Variants in KIRREL3 observed in about 807,000 individuals in gnomAD.
KIRREL3 encodes kirre like nephrin family adhesion molecule 3.
Under a neutral mutation model 89.7 loss-of-function variants are expected in KIRREL3, and 36 were observed. That is an observed-to-expected ratio of 0.40 (90% CI 0.31 to 0.53). The LOEUF (loss-of-function observed/expected upper bound fraction) is 0.53. Ranked by LOEUF, KIRREL3 falls within the 20% of genes least tolerant of loss-of-function variation. KIRREL3 has a pLI of 0.49. For missense variants in KIRREL3, 864 were observed against 1,056.6 expected, an observed-to-expected ratio of 0.82 and a Z score of 2.53; for synonymous variants, 445 against 441.4, an observed-to-expected ratio of 1.01 and a Z score of -0.10.
rs1416251271 is a variant in KIRREL3 at position 126,557,342 on chromosome 11, T to C, written c.133+5493A>G. On this transcript the variant is annotated intron_variant, in intron 2 of 16. Transcript: ENST00000525144. This position sits in a 1 kb window ranked among gnomAD's most constrained non-coding sequence, Gnocchi z 5.6. ...GAAAGCCAGTCTATTGACTTTTTTG[T>C]ACTGGTTCCTTTGGTGACCAAGACA... is the stretch of plus-strand genomic sequence containing the variant. 4.6e-5 allele frequency among the ~76,000 whole-genome samples: 7 copies of C among 152,238 alleles called. No homozygotes were observed.
intron 2 of KIRREL3, among the ~76,000 whole-genome samples, chr11:126,529,049 G>C (rs1271234556): frequency 6.6e-6 from 1 of 152,174 alleles, no homozygotes; most frequent in Non-Finnish European, 1.5e-5. Context: ...GTTATAATGA[G>C]AGCCCCTTAA....
chr11:126,673,050 C>A (rs1489495308), intron 1 of KIRREL3, among the ~76,000 whole-genome samples: 4 of 152,170 alleles, frequency 2.6e-5, no homozygotes, highest in Non-Finnish European at 5.9e-5. Flanking sequence ...AGAAATGGTC[C>A]CCCAGTGTAG....
At position 126,532,370 on chromosome 11, in the gene KIRREL3, A is replaced by ATATTTATTTATT. The variant is rs56217819; in HGVS notation, c.134-5695_134-5684dup. ...CTACTCAGATTATTTATCTATTTTT[A>ATATTTATTTATT]TATTTATTTATTTATTTATTTTGAG... On this transcript the variant is annotated intron_variant, in intron 2 of 16. Coordinates refer to ENST00000525144, the MANE Select transcript of KIRREL3 (RefSeq NM_032531.4). 4.5e-3 allele frequency among the ~76,000 whole-genome samples: 680 copies of ATATTTATTTATT among 151,354 alleles called. 4 individuals carry two copies. The highest frequency in any genetic ancestry group is 0.014 in the African/African-American group (598 of 41,328).
At chr11:126,966,318 G>A (rs1392275486) in intron 1 of KIRREL3, among the ~76,000 whole-genome samples, 1 of 152,188 alleles carries the variant, frequency 6.6e-6, no homozygotes, top group African/African-American at 2.4e-5. Context: ...GAAAAGATCT[G>A]TATCGAGTCA....
rs1371704872 is a variant in KIRREL3 at position 126,696,490 on chromosome 11, G to A, written c.56-133578C>T. On this transcript the variant is annotated intron_variant, in intron 1 of 16. Coordinates refer to ENST00000525144, the MANE Select transcript of KIRREL3 (RefSeq NM_032531.4). The surrounding 1 kb of genome is among the most constrained non-coding windows in gnomAD (Gnocchi z 4.4). The stretch of plus-strand genomic sequence containing the variant: ...AGCCTGCAAACTCCCACAGCTGTAC[G>A]CAGGCATGTGGCCTCTTGCCTCGAC... Among the ~76,000 whole-genome samples the A allele has an allele frequency of 6.6e-6, 1 of 152,028 alleles. No individual in the cohort carries two copies. The highest frequency in any genetic ancestry group is 6.6e-5 in the Admixed American group (1 of 15,256).
Position 126,867,805 on chromosome 11 carries a change from A to G in KIRREL3, c.55+132650T>C, listed in dbSNP as rs1403268451. Among the ~76,000 whole-genome samples, 1 of 152,172 alleles carries G rather than the reference A, an allele frequency of 6.6e-6. No individual in the cohort carries two copies. The highest frequency in any genetic ancestry group is 1.5e-5 in the Non-Finnish European group (1 of 68,032). Reference sequence around the variant, plus strand: ...CACAATTTTTACTGCCGCTCAGTCCAGTATGACTTCTAAGGTAATTGATTT... The same window carrying G: ...CACAATTTTTACTGCCGCTCAGTCCGGTATGACTTCTAAGGTAATTGATTT... On this transcript the variant is annotated intron_variant, in intron 1 of 16. Transcript: ENST00000525144. This position sits in a 1 kb window ranked among gnomAD's most constrained non-coding sequence, Gnocchi z 4.7.
At chr11:126,556,554 C>T (rs552154663) in intron 2 of KIRREL3, among the ~76,000 whole-genome samples, 1 of 152,120 alleles carries the variant, frequency 6.6e-6, no homozygotes, top group East Asian at 1.9e-4. Context: ...GGTAGGATTG[C>T]TTGAGCTTAG....
chr11:126,827,157 T>C (rs1943444863), intron 1 of KIRREL3, among the ~76,000 whole-genome samples: 1 of 150,010 alleles, frequency 6.7e-6, no homozygotes, highest in Non-Finnish European at 1.5e-5. Context: ...TAAGAATCAA[T>C]ATGGAAGTCT....
In KIRREL3 at chr11:126,427,920, A is replaced by T. The variant is rs1472850150; in HGVS notation, c.1806+1259T>A. ...GGAGGACAGGTGGGGCACACATTTG[A>T]GACACTTTTTGAAGTGGAATTGACA... On this transcript the variant is annotated intron_variant, in intron 15 of 16. Transcript: ENST00000525144. This position sits in a 1 kb window ranked among gnomAD's most constrained non-coding sequence, Gnocchi z 5.3. 6.6e-6 allele frequency among the ~76,000 whole-genome samples: 1 copy of T among 152,174 alleles called. No individual in the cohort carries two copies. The highest frequency in any genetic ancestry group is 1.5e-5 in the Non-Finnish European group (1 of 68,022).
At chr11:126,554,790 T>C (rs1464622205) in intron 2 of KIRREL3, among the ~76,000 whole-genome samples, 3 of 152,236 alleles carry the variant, frequency 2.0e-5, no homozygotes, top group African/African-American at 7.2e-5. Flanking sequence ...TCAATTTTTC[T>C]CCCAATTGTT....
At chr11:126,586,244 T>C (rs1941847164) in intron 1 of KIRREL3, among the ~76,000 whole-genome samples, 1 of 152,320 alleles carries the variant, frequency 6.6e-6, no homozygotes, top group Non-Finnish European at 1.5e-5. Flanking sequence ...TCATGTGTCC[T>C]TGTTCATGAG....
At position 126,750,142 on chromosome 11, in the gene KIRREL3, C is replaced by A. The variant is rs1157539817; in HGVS notation, c.56-187230G>T. On this transcript the variant is annotated intron_variant, in intron 1 of 16. Transcript: ENST00000525144. This position sits in a 1 kb window ranked among gnomAD's most constrained non-coding sequence, Gnocchi z 4.2. ...ATAAGTGCCTTGCACATAGTAGGCA[C>A]AGAATACACAATCATTGCTACTGAG... Among the ~76,000 whole-genome samples, 1 of 152,182 alleles carries A rather than the reference C, an allele frequency of 6.6e-6. No individual in the cohort carries two copies. The highest frequency in any genetic ancestry group is 1.5e-5 in the Non-Finnish European group (1 of 68,036).
In KIRREL3 at chr11:126,566,128, C is replaced by T. The variant is rs1255516615; in HGVS notation, c.56-3216G>A. ...GCAGAAACACCCAGATACTCTAAAG[C>T]TGGCTATGGAAAAATAATTACCATG... is the stretch of plus-strand genomic sequence containing the variant. On this transcript the variant is annotated intron_variant, in intron 1 of 16. Transcript: ENST00000525144. This position sits in a 1 kb window ranked among gnomAD's most constrained non-coding sequence, Gnocchi z 4.9. 8.4e-6 allele frequency among the ~76,000 whole-genome samples: 1 copy of T among 119,358 alleles called. No individual in the cohort carries two copies. Among genetic ancestry groups the T allele is most frequent in the Non-Finnish European group, 1.7e-5 (1 of 59,528 alleles). 78.3% of individuals were successfully genotyped at this position (119,358 alleles called of 152,430 possible).
intron 1 of KIRREL3, among the ~76,000 whole-genome samples, chr11:126,893,516 T>G (rs1297806267): frequency 6.6e-6 from 1 of 152,210 alleles, no homozygotes; most frequent in Non-Finnish European, 1.5e-5. Flanking sequence ...CTTAATTTGT[T>G]GCCGAGCTCA....
At chr11:126,630,271 G>A (rs1943963602) in intron 1 of KIRREL3, among the ~76,000 whole-genome samples, 1 of 151,972 alleles carries the variant, frequency 6.6e-6, no homozygotes, top group South Asian at 2.1e-4. Context: ...TGGGAGTGGG[G>A]ATTTATTCCT....
chr11:126,960,932 T>C (rs1438937937), intron 1 of KIRREL3, among the ~76,000 whole-genome samples: 1 of 152,174 alleles, frequency 6.6e-6, no homozygotes, highest in Non-Finnish European at 1.5e-5. Context: ...AATACTTTCA[T>C]TATTATTAGG....
At position 126,624,693 on chromosome 11, in the gene KIRREL3, A is replaced by C. The variant is rs889416466; in HGVS notation, c.56-61781T>G. 4.6e-5 allele frequency among the ~76,000 whole-genome samples: 7 copies of C among 152,220 alleles called. No homozygotes were observed. The highest frequency in any genetic ancestry group is 7.3e-5 in the Non-Finnish European group (5 of 68,042). ...TGCTGCCATGGATGTTAATGGAGAC[A>C]AATATTGTGGCTGTGATTTTTCAAA... On this transcript the variant is annotated intron_variant, in intron 1 of 16. Transcript: ENST00000525144. The surrounding 1 kb of genome is among the most constrained non-coding windows in gnomAD (Gnocchi z 6.0).
rs899049030 is a variant in KIRREL3, at chr11:126,576,074, G to A, written c.56-13162C>T. ...GCCAGGCACATAGTAGGCACTCAGT[G>A]CACATGTGTATGTGACGAGTAACTC... On this transcript the variant is annotated intron_variant, in intron 1 of 16. Transcript: ENST00000525144. This position sits in a 1 kb window ranked among gnomAD's most constrained non-coding sequence, Gnocchi z 5.4. Among the ~76,000 whole-genome samples the A allele has an allele frequency of 6.6e-6, 1 of 152,196 alleles. No homozygotes were observed. The highest frequency in any genetic ancestry group is 2.4e-5 in the African/African-American group (1 of 41,442).
intron 13 of KIRREL3, among the ~76,000 whole-genome samples, chr11:126,434,736 G>T (rs1591525536): frequency 1.3e-5 from 2 of 152,338 alleles, no homozygotes; most frequent in African/African-American, 4.8e-5. Flanking sequence ...CTGCCCTGCA[G>T]CCTCAGCTTG....
Sources: allele counts gnomAD v4.1 joint callset (sites outside exome capture counted in the v4.1 genomes callset), GRCh38; gene constraint gnomAD v4.1.1; non-coding constraint Gnocchi (gnomAD v3.1); transcripts MANE v1.5; gene names NCBI Gene and HGNC (gene_info 2026-07-23, HGNC 2026-07-21).